DAD1: variants seen among roughly 807,000 people sequenced by gnomAD.
DAD1 encodes defender against cell death 1, also known as dolichyl-diphosphooligosaccharide--protein glycosyltransferase subunit DAD1.
DAD1 carries 4 observed loss-of-function variants against 9.0 expected under a neutral mutation model. The observed-to-expected ratio is 0.44, with a 90% CI of 0.22 to 1.01. The LOEUF (loss-of-function observed/expected upper bound fraction) is 1.01. Among genes scored for constraint, DAD1 ranks in the 50% least tolerant of loss-of-function variants. DAD1 has a pLI of 0.24. For missense variants in DAD1, 119 were observed against 137.3 expected (o/e 0.87, Z 0.67); for synonymous variants, 60 against 62.5 (o/e 0.96, Z 0.19).
intron 1 of DAD1, among the ~76,000 whole-genome samples, chr14:22,577,874 A>G (rs750388924): frequency 6.6e-6 from 1 of 152,228 alleles, no homozygotes; most frequent in Non-Finnish European, 1.5e-5. Flanking sequence ...TTTTACAACA[A>G]TGTACATGTA....
chr14:22,570,966 T>C (rs2037034298), intron 2 of DAD1, among the ~76,000 whole-genome samples: 1 of 151,946 alleles, frequency 6.6e-6, no homozygotes. Flanking sequence ...GTTCTGTCCT[T>C]CTTTTCCTCA....
At chr14:22,575,836 C>T (rs2037073192) in intron 1 of DAD1, among the ~76,000 whole-genome samples, 2 of 152,274 alleles carry the variant, frequency 1.3e-5, no homozygotes, top group East Asian at 3.9e-4. Context: ...CATGAGCCAC[C>T]GTGCCCGGAC....
At position 22,570,194 on chromosome 14, in the gene DAD1, G is replaced by A. The variant is rs181945682; in HGVS notation, c.*44+4865C>T. Among the ~76,000 whole-genome samples, 94 of 152,200 alleles carry A rather than the reference G, an allele frequency of 6.2e-4. 1 individual carries two copies. The Middle Eastern group carries it at 0.01, about 17-fold the overall frequency. On this transcript the variant is annotated intron_variant, in intron 2 of 2. Coordinates refer to ENST00000250498, the MANE Select transcript of DAD1 (RefSeq NM_001344.4). Reference sequence around the variant, plus strand: ...CAAAAAATTAAAGATTATTGCGTGGGAGGTCACCATTGAGAATAAAAGACG... The same window carrying A: ...CAAAAAATTAAAGATTATTGCGTGGAAGGTCACCATTGAGAATAAAAGACG...
At chr14:22,586,811 G>A (rs1381451307) in intron 1 of DAD1, among the ~76,000 whole-genome samples, 1 of 152,194 alleles carries the variant, frequency 6.6e-6, no homozygotes. Flanking sequence ...ACAAATGGCA[G>A]AAGAGGCAGG....
intron 1 of DAD1, among the ~76,000 whole-genome samples, 176 bp downstream of exon 1, chr14:22,588,771 G>A (rs1369829255): frequency 6.6e-6 from 1 of 152,184 alleles, no homozygotes; most frequent in East Asian, 1.9e-4. Context: ...GAGCCGTTTG[G>A]TATTAGGCAT....
intron 2 of DAD1, among the ~76,000 whole-genome samples, chr14:22,568,695 ATTTTT>A (rs59847356): frequency 7.3e-6 from 1 of 136,492 alleles, no homozygotes. Flanking sequence ...AAGTCTTCTG[ATTTTT>A]TTTTTTTTTT....
intron 2 of DAD1, among the ~76,000 whole-genome samples, chr14:22,570,842 G>A (rs747434006): frequency 6.6e-6 from 1 of 152,100 alleles, no homozygotes; most frequent in Non-Finnish European, 1.5e-5. Context: ...ATCTCCCTGG[G>A]AGCTGAGCAC....
chr14:22,570,325 A>G (rs1336874849), intron 2 of DAD1, among the ~76,000 whole-genome samples: 1 of 152,096 alleles, frequency 6.6e-6, no homozygotes, highest in African/African-American at 2.4e-5. Context: ...CCCCCACACA[A>G]CAAAATCTAG....
rs5742796 is a variant in DAD1 at position 22,575,198 on chromosome 14, C to T, written c.247G>A (p.Ala83Thr). ...LRIQINPQNK[A>T]DFQGISPERA... ...TCTGGGGAGATGCCTTGGAAATCCGCTTTGTTCTGTGGGTTGATCTGTATT... is the reference window on the plus strand; with the variant it reads ...TCTGGGGAGATGCCTTGGAAATCCGTTTTGTTCTGTGGGTTGATCTGTATT... The change falls in exon 2 of 3, where the codon GCG (alanine) becomes ACG (threonine). Residue 83 changes from alanine (A) to threonine (T), a missense_variant. Ala to Thr is a moderately conservative substitution (Grantham distance 58). Transcript: ENST00000250498. 6.2e-6 allele frequency: 10 copies of T among 1,614,056 alleles called. No individual in the cohort carries two copies. The highest frequency in any genetic ancestry group is 7.6e-6 in the Non-Finnish European group (9 of 1,180,044).
At chr14:22,587,175 T>G (rs1439544759) in intron 1 of DAD1, among the ~76,000 whole-genome samples, 2 of 152,166 alleles carry the variant, frequency 1.3e-5, no homozygotes, top group African/African-American at 4.8e-5. Flanking sequence ...AATCTATAAC[T>G]CTAGTCCATG....
chr14:22,565,284 A>C (rs5742870), intron 2 of DAD1, 147 bp from the exon 3 acceptor site: 10,072 of 557,548 alleles, frequency 0.018, 526 homozygotes, highest in African/African-American at 0.13. Context: ...AACTAGAAAG[A>C]AGCAAGTATT....
intron 1 of DAD1, among the ~76,000 whole-genome samples, chr14:22,577,068 A>C (rs1025091998): frequency 1.3e-5 from 2 of 152,216 alleles, no homozygotes; most frequent in African/African-American, 4.8e-5. Context: ...TTCCTCAAAA[A>C]AATTAAAAAC....
chr14:22,571,647 T>TA (rs1309666177), intron 2 of DAD1, among the ~76,000 whole-genome samples: 68 of 149,164 alleles, frequency 4.6e-4, no homozygotes, highest in African/African-American at 1.6e-3. Flanking sequence ...TTTTTTTTTT[T>TA]TAGAAAACAG....
In DAD1 at chr14:22,567,961, T is replaced by C. The variant is rs566193796; in HGVS notation, c.*45-2824A>G. On this transcript the variant is annotated intron_variant, in intron 2 of 2. Transcript: ENST00000250498. ...AAAGAATCCAGTCTGATGGCTCTGA[T>C]GAAAATTTAAAATAAATAAAAATTT... 2.0e-5 allele frequency among the ~76,000 whole-genome samples: 3 copies of C among 152,318 alleles called. No individual in the cohort carries two copies. The East Asian group carries it at 5.8e-4, about 29-fold the overall frequency.
intron 1 of DAD1, among the ~76,000 whole-genome samples, chr14:22,577,831 C>CAA (rs975398990): frequency 4.6e-5 from 7 of 151,106 alleles, no homozygotes; most frequent in African/African-American, 1.7e-4. Flanking sequence ...TTGCGGAAGA[C>CAA]AAAAAAGTTC....
chr14:22,582,500 G>A (rs1594884195), intron 1 of DAD1, among the ~76,000 whole-genome samples: 2 of 152,116 alleles, frequency 1.3e-5, no homozygotes, highest in African/African-American at 4.8e-5. Context: ...CTCCAGCCTG[G>A]GCAACAGAGC....
At chr14:22,584,452 G>A (rs1160103220) in intron 1 of DAD1, among the ~76,000 whole-genome samples, 1 of 152,082 alleles carries the variant, frequency 6.6e-6, no homozygotes, top group Non-Finnish European at 1.5e-5. Flanking sequence ...ATAGTGCTGT[G>A]TGCCTATAGT....
At chr14:22,577,415 CAA>C (rs2037084821) in intron 1 of DAD1, among the ~76,000 whole-genome samples, 3 of 152,104 alleles carry the variant, frequency 2.0e-5, no homozygotes, top group Admixed American at 2.0e-4. Context: ...GCCTAGGTGA[CAA>C]GAGAGAAACT....
intron 1 of DAD1, among the ~76,000 whole-genome samples, chr14:22,581,258 T>C (rs1003051118): frequency 7.9e-5 from 12 of 152,162 alleles, no homozygotes; most frequent in Non-Finnish European, 1.3e-4. Context: ...GGTAGAGATA[T>C]GTACTATGAA....
Sources: gnomAD v4.1 joint callset for allele counts (sites outside exome capture counted in the v4.1 genomes callset) on GRCh38, gnomAD v4.1.1 for gene constraint, MANE v1.5 for transcripts, NCBI Gene and HGNC (gene_info 2026-07-23, HGNC 2026-07-21) for gene names.